Variants in RPAP3 observed in about 807,000 individuals in gnomAD.
RPAP3 encodes the protein RNA polymerase II associated protein 3.
In RPAP3, 58 loss-of-function variants were observed where a neutral mutation model predicts 88.8. That is an observed-to-expected ratio of 0.65 (90% CI 0.53 to 0.81). RPAP3 has a LOEUF of 0.81. Among genes scored for constraint, RPAP3 ranks in the 40% least tolerant of loss-of-function variants. The pLI is 0.00. For synonymous variants in RPAP3, 255 were observed against 259.9 expected, an observed-to-expected ratio of 0.98 and a Z score of 0.18; for missense variants, 751 against 764.3, an observed-to-expected ratio of 0.98 and a Z score of 0.20.
At chr12:47,690,704 A>C (rs1191928024) in intron 5 of RPAP3, 65 bp from the exon 6 acceptor site, 3 of 1,189,420 alleles carry the variant, frequency 2.5e-6, no homozygotes, top group Non-Finnish European at 3.4e-6. Context: ...CAAAACTTCA[A>C]AATTTGTTTC....
chr12:47,701,798 T>C (rs537918330), intron 2 of RPAP3, among the ~76,000 whole-genome samples, 194 bp from the exon 3 acceptor site: 3 of 152,338 alleles, frequency 2.0e-5, no homozygotes, highest in Non-Finnish European at 2.9e-5. Flanking sequence ...TTGATGAGTG[T>C]TGAACATTGT....
intron 12 of RPAP3, among the ~76,000 whole-genome samples, chr12:47,671,986 C>T (rs73104104): frequency 0.062 from 9,129 of 147,856 alleles, 344 homozygotes; most frequent in Middle Eastern, 0.12. Context: ...TATATTGTGA[C>T]CATTTAAAAA....
rs761643384 is a variant in RPAP3 at position 47,702,706 on chromosome 12, C to T, written c.135G>A (p.Gln45=). ...AATTTACCTCTTCAGGAACACCATT[C>T]TGTCTTCTTAGTTCCATATCCTTTT... The part of the protein sequence containing the change: ...IKQKDMELRR[Q]NGVPEENLPP... Residue 45 remains glutamine, a synonymous_variant, in exon 2 of 17, where the codon CAG becomes CAA. Transcript: ENST00000005386. 28 of 1,601,008 alleles carry T rather than the reference C, an allele frequency of 1.7e-5. No individual in the cohort carries two copies. Among genetic ancestry groups the T allele is most frequent in the Non-Finnish European group, 2.2e-5 (26 of 1,174,412 alleles).
intron 16 of RPAP3, chr12:47,664,870 A>G (rs1365063386): frequency 6.6e-6 from 1 of 152,206 alleles, no homozygotes; most frequent in Non-Finnish European, 1.5e-5. Flanking sequence ...TATAATAAAC[A>G]TACACATGAA....
chr12:47,685,883 G>C (rs1245646811), intron 9 of RPAP3, among the ~76,000 whole-genome samples: 1 of 152,030 alleles, frequency 6.6e-6, no homozygotes, highest in African/African-American at 2.4e-5. Flanking sequence ...GCACTTGCCT[G>C]TATTTTAAAT....
chr12:47,703,836 G>A (rs1939706881), intron 1 of RPAP3, among the ~76,000 whole-genome samples: 2 of 152,190 alleles, frequency 1.3e-5, no homozygotes, highest in Non-Finnish European at 2.9e-5. Context: ...AAAAGAACTT[G>A]ATGACTGACT....
At chr12:47,666,856 A>C (rs1448247083) in intron 16 of RPAP3, 124 bp downstream of exon 16, 3 of 288,456 alleles carry the variant, frequency 1.0e-5, no homozygotes, top group Non-Finnish European at 1.9e-5. Context: ...TCCAATTTAA[A>C]TATAAATATT....
chr12:47,667,745 T>G lies in RPAP3; in HGVS notation c.1811+9A>C. The G allele has an allele frequency of 1.3e-6, 2 of 1,539,368 alleles. No individual in the cohort carries two copies. The highest frequency in any genetic ancestry group is 2.3e-5 in the East Asian group (1 of 44,272). Reference sequence around the variant, plus strand: ...GACTTACTGTATAACTAAAAAAAACTTGACTTACTCAATGTAAAAGTCATG... The same window carrying G: ...GACTTACTGTATAACTAAAAAAAACGTGACTTACTCAATGTAAAAGTCATG... On this transcript the variant is annotated intron_variant, in intron 15 of 16. Transcript: ENST00000005386.
chr12:47,701,353 G>C (rs1939649607), intron 3 of RPAP3, 111 bp downstream of exon 3: 1 of 666,132 alleles, frequency 1.5e-6, no homozygotes, highest in Admixed American at 3.1e-5. Context: ...ATGAATAAGA[G>C]AAAAACACAG....
intron 5 of RPAP3, among the ~76,000 whole-genome samples, chr12:47,691,298 A>G (rs965044641): frequency 1.3e-5 from 2 of 152,212 alleles, no homozygotes; most frequent in African/African-American, 2.4e-5. Flanking sequence ...TTGCTCATCC[A>G]TAAGAATCAA....
In RPAP3 at chr12:47,688,002, C is replaced by T. The variant is rs1565719740; in HGVS notation, c.739-1G>A. The T allele has an allele frequency of 6.2e-7, 1 of 1,607,800 alleles. No homozygotes were observed. Among genetic ancestry groups the T allele is most frequent in the Non-Finnish European group, 8.5e-7 (1 of 1,177,184 alleles). On this transcript the variant is annotated splice_acceptor_variant, in intron 7 of 16. Transcript: ENST00000005386. LOFTEE classifies it high-confidence loss of function. Reference sequence around the variant, plus strand: ...ATGAGTTTTCTTTGGATGCTAAAGCCTAGGAGACATAGCAGTCAGCTAAAA... The same window carrying T: ...ATGAGTTTTCTTTGGATGCTAAAGCTTAGGAGACATAGCAGTCAGCTAAAA...
At chr12:47,667,346 T>TA (rs1274529904) in intron 15 of RPAP3, among the ~76,000 whole-genome samples, 5 of 152,316 alleles carry the variant, frequency 3.3e-5, no homozygotes, top group East Asian at 3.9e-4. Context: ...ACAAAAAAAT[T>TA]AGAGTCCTTT....
chr12:47,683,157 A>T (rs1939258245), intron 9 of RPAP3, among the ~76,000 whole-genome samples: 1 of 152,138 alleles, frequency 6.6e-6, no homozygotes, highest in South Asian at 2.1e-4. Context: ...AACAATTTCA[A>T]GATGCTTTCC....
chr12:47,669,091 C>G lies in RPAP3; in HGVS notation c.1538G>C (p.Ser513Thr), dbSNP rs1374053570. Residue 513 changes from serine to threonine, a missense_variant, in exon 14 of 17, where the codon AGT becomes ACT. Ser to Thr is a moderately conservative substitution (Grantham distance 58). Coordinates refer to ENST00000005386, the MANE Select transcript of RPAP3 (RefSeq NM_024604.3). The part of the protein sequence containing the change: ...SDTSSLQPQA[S>T]LKQDVCQSYS... ...AGACTGACATACATCCTGCTTCAAA[C>G]TGGCTTGAGGTCTGAAATATTTCAG... 1.2e-6 allele frequency: 2 copies of G among 1,613,166 alleles called. No homozygotes were observed. The highest frequency in any genetic ancestry group is 4.5e-5 in the East Asian group (2 of 44,844).
At chr12:47,667,713 A>T in intron 15 of RPAP3, 41 bp downstream of exon 15, 1 of 1,110,390 alleles carries the variant, frequency 9.0e-7, no homozygotes, top group Non-Finnish European at 1.3e-6. Context: ...CAATAACATT[A>T]AGTGAGGACT....
In RPAP3 at chr12:47,681,961, AT is replaced by A. The variant is rs1425287156; in HGVS notation, c.993-145del. 4 of 779,304 alleles carry A rather than the reference AT, an allele frequency of 5.1e-6. No homozygotes were observed. The African/African-American group carries it at 5.5e-5, about 11-fold the overall frequency. The allele number at this position is 779,304 out of a possible 1,614,324, so 48.3% of individuals were successfully genotyped here. On this transcript the variant is annotated intron_variant, in intron 9 of 16. Coordinates refer to ENST00000005386, the MANE Select transcript of RPAP3 (RefSeq NM_024604.3). ...TGTGTTTGAAGTGGAGAACTATTTT[AT>A]AAATTTTTTATTCTCACCAAATCCT... is the stretch of plus-strand genomic sequence containing the variant.
intron 16 of RPAP3, among the ~76,000 whole-genome samples, chr12:47,666,566 T>C (rs1390476478): frequency 6.6e-6 from 1 of 152,196 alleles, no homozygotes. Context: ...GCTTTGATCC[T>C]TTACATAGTA....
intron 4 of RPAP3, 27 bp downstream of exon 4, chr12:47,697,570 A>G (rs751568728): frequency 1.9e-6 from 3 of 1,579,652 alleles, no homozygotes; most frequent in African/African-American, 1.4e-5. Flanking sequence ...CTTACATGAA[A>G]AAAAACAAAA....
At position 47,689,134 on chromosome 12, in the gene RPAP3, T is replaced by C. The variant is rs778409599; in HGVS notation, c.729A>G (p.Lys243=). 1 of 1,415,072 alleles carries C rather than the reference T, an allele frequency of 7.1e-7. No individual in the cohort carries two copies. The highest frequency in any genetic ancestry group is 1.7e-5 in the Admixed American group (1 of 57,488). The allele number at this position is 1,415,072 out of a possible 1,614,324, so 87.7% of individuals were successfully genotyped here. The change falls in exon 7 of 17, where the codon AAA becomes AAG. Residue 243 remains lysine, a synonymous_variant. Transcript: ENST00000005386. ...NNFEATNELR[K]ISQALASKEN... is the part of the protein sequence containing the mutation. ...AATAACTATAGTTTACCTGACTGATTTTCCTGAGTTCATTTGTTGCTTCAA... is the reference window on the plus strand; with the variant it reads ...AATAACTATAGTTTACCTGACTGATCTTCCTGAGTTCATTTGTTGCTTCAA...
Sources: gnomAD v4.1 joint callset for allele counts (sites outside exome capture counted in the v4.1 genomes callset) on GRCh38, gnomAD v4.1.1 for gene constraint, MANE v1.5 for transcripts, NCBI Gene and HGNC (gene_info 2026-07-23, HGNC 2026-07-21) for gene names.